Variants in COX15 observed in about 807,000 individuals in gnomAD.
The protein encoded by COX15 is heme A synthase COX15.
A neutral mutation model predicts 51.9 loss-of-function variants in COX15; 51 were observed. The observed-to-expected ratio is 0.98, with a 90% confidence interval of 0.78 to 1.24. The LOEUF (loss-of-function observed/expected upper bound fraction) is 1.24. COX15 is among the 50% of genes most tolerant of loss of function. The pLI is 0.00. For missense variants in COX15, 420 were observed against 501.1 expected (o/e 0.84, Z 1.55); for synonymous variants, 188 against 190.5 (o/e 0.99, Z 0.11).
intron 4 of COX15, among the ~76,000 whole-genome samples, chr10:99,724,704 TACACTA>T (rs1168079589): frequency 1.3e-5 from 2 of 148,996 alleles, no homozygotes; most frequent in Non-Finnish European, 3.0e-5. Context: ...ATGCATAAAA[TACACTA>T]ACACTAACAG....
chr10:99,698,632 T>C, the COX15 span: 1 of 1,614,146 alleles, frequency 6.2e-7, no homozygotes. Context: ...AACAGCCAAG[T>C]CTTACATGTC....
chr10:99,712,460 A>C lies in COX15; in HGVS notation c.*2127T>G. Reference sequence around the variant, plus strand: ...TAAAAAACAGAAGATTTGCTGACTTAAACACTGCAAAATTAAACATTTATA... The same window carrying C: ...TAAAAAACAGAAGATTTGCTGACTTCAACACTGCAAAATTAAACATTTATA... On this transcript the variant is annotated 3_prime_UTR_variant, in exon 9 of 9. Transcript: ENST00000016171. 1 of 985,428 alleles carries C rather than the reference A, an allele frequency of 1.0e-6. No individual in the cohort carries two copies. The highest frequency in any genetic ancestry group is 4.7e-5 in the South Asian group (1 of 21,288). The allele number at this position is 985,428 out of a possible 1,614,324, so 61.0% of individuals were successfully genotyped here. A position where few individuals can be genotyped will look rare whatever the true frequency, so the allele number is the denominator to read the frequency against.
At chr10:99,725,246 T>A (rs73345155) in intron 4 of COX15, among the ~76,000 whole-genome samples, 1 of 152,332 alleles carries the variant, frequency 6.6e-6, no homozygotes, top group African/African-American at 2.4e-5. Flanking sequence ...TCAGGAAATC[T>A]TTTTGGGCAT....
In COX15 at chr10:99,714,445, A is replaced by G; in HGVS notation, c.*142T>C. On this transcript the variant is annotated 3_prime_UTR_variant, in exon 9 of 9. Transcript: ENST00000016171. Reference sequence around the variant, plus strand: ...TTCTTGATCCAGTGACTATCTCAAAACAGGAAAAGATTTTTAAGTAAGTTG... The same window carrying G: ...TTCTTGATCCAGTGACTATCTCAAAGCAGGAAAAGATTTTTAAGTAAGTTG... The G allele has an allele frequency of 6.5e-7, 1 of 1,526,772 alleles. No individual in the cohort carries two copies. The highest frequency in any genetic ancestry group is 2.4e-5 in the East Asian group (1 of 41,442). The allele number at this position is 1,526,772 out of a possible 1,614,324, so 94.6% of individuals were successfully genotyped here. A position where few individuals can be genotyped will look rare whatever the true frequency, so the allele number is the denominator to read the frequency against.
chr10:99,712,415 C>A lies in COX15; in HGVS notation c.*2172G>T. ...TAATTGAGAGCTTTCACAGAAAAAT[C>A]TAGATATGTGGCTTATTTTTAAAAA... On this transcript the variant is annotated 3_prime_UTR_variant, in exon 9 of 9. Transcript: ENST00000016171. 1.0e-6 allele frequency: 1 copy of A among 985,292 alleles called. No individual in the cohort carries two copies. The highest frequency in any genetic ancestry group is 1.2e-6 in the Non-Finnish European group (1 of 829,876). 61.0% of individuals were successfully genotyped at this position (985,292 alleles called of 1,614,324 possible). A position where few individuals can be genotyped will look rare whatever the true frequency, so the allele number is the denominator to read the frequency against.
chr10:99,709,628 T>C (rs952746673), downstream of COX15: 4 of 985,304 alleles, frequency 4.1e-6, no homozygotes, highest in Non-Finnish European at 4.8e-6. Flanking sequence ...CATTCTCTCA[T>C]AACCTGGATC....
At position 99,726,338 on chromosome 10, in the gene COX15, T is replaced by A. The variant is rs190892333; in HGVS notation, c.582+630A>T. On this transcript the variant is annotated intron_variant, in intron 4 of 8. Transcript: ENST00000016171. ...CTACATCTTGCAGCACATGAAAATATACTACTGAGTGCTTTACTGATTCCA... is the reference window on the plus strand; with the variant it reads ...CTACATCTTGCAGCACATGAAAATAAACTACTGAGTGCTTTACTGATTCCA... Among the ~76,000 whole-genome samples, 795 of 152,326 alleles carry A rather than the reference T, an allele frequency of 5.2e-3. 4 individuals carry two copies. The highest frequency in any genetic ancestry group is 8.7e-3 in the Non-Finnish European group (595 of 68,022).
intron 5 of COX15, among the ~76,000 whole-genome samples, chr10:99,723,733 G>C (rs2036853552): frequency 6.6e-6 from 1 of 152,120 alleles, no homozygotes; most frequent in South Asian, 2.1e-4. Flanking sequence ...TTCTCACTTT[G>C]CCATCCACCA....
chr10:99,713,406 T>C lies in COX15; in HGVS notation c.*1181A>G, dbSNP rs1282265040. Reference sequence around the variant, plus strand: ...ATATTAGCAATATTGGGTTGCTCCATCCTCAAATCAGATGTTTCTGATGCC... The same window carrying C: ...ATATTAGCAATATTGGGTTGCTCCACCCTCAAATCAGATGTTTCTGATGCC... On this transcript the variant is annotated 3_prime_UTR_variant, in exon 9 of 9. Transcript: ENST00000016171. 3.1e-6 allele frequency: 5 copies of C among 1,614,008 alleles called. No individual in the cohort carries two copies. Among genetic ancestry groups the C allele is most frequent in the South Asian group, 1.1e-5 (1 of 91,086 alleles).
intron 1 of COX15, among the ~76,000 whole-genome samples, chr10:99,730,455 A>C (rs1291356469): frequency 1.3e-5 from 2 of 152,040 alleles, no homozygotes; most frequent in African/African-American, 4.8e-5. Flanking sequence ...ATGGTGGTGT[A>C]TGCTTGTAAT....
the COX15 span, among the ~76,000 whole-genome samples, chr10:99,701,290 A>AT: frequency 1.9e-4 from 28 of 146,938 alleles, no homozygotes; most frequent in East Asian, 6.0e-4. Context: ...AACAAAAGTG[A>AT]TTTTTTTTTT....
rs1325195377 is a variant in COX15, at chr10:99,712,436, A to T, written c.*2151T>A. On this transcript the variant is annotated 3_prime_UTR_variant, in exon 9 of 9. Transcript: ENST00000016171. ...AAATCTAGATATGTGGCTTATTTTT[A>T]AAAAACAGAAGATTTGCTGACTTAA... 2.0e-6 allele frequency: 2 copies of T among 985,228 alleles called. No homozygotes were observed. Among genetic ancestry groups the T allele is most frequent in the Admixed American group, 6.2e-5 (1 of 16,260 alleles). 61.0% of individuals were successfully genotyped at this position (985,228 alleles called of 1,614,324 possible). A position where few individuals can be genotyped will look rare whatever the true frequency, so the allele number is the denominator to read the frequency against.
In COX15 at chr10:99,711,242, C is replaced by G. The variant is rs375153079; in HGVS notation, c.*3345G>C. On this transcript the variant is annotated 3_prime_UTR_variant, in exon 9 of 9. Transcript: ENST00000016171. ...TGAAGTAAAACATCTGAAACCTTAA[C>G]TTACTCATGAGTTGCTACTTCCTTG... is the stretch of plus-strand genomic sequence containing the variant. 2.0e-6 allele frequency: 2 copies of G among 985,240 alleles called. No homozygotes were observed. The highest frequency in any genetic ancestry group is 2.4e-6 in the Non-Finnish European group (2 of 829,894). The allele number at this position is 985,240 out of a possible 1,614,324, so 61.0% of individuals were successfully genotyped here.
At chr10:99,704,371 A>G in the COX15 span, 1 of 1,341,060 alleles carries the variant, frequency 7.5e-7, no homozygotes, top group Non-Finnish European at 1.1e-6. Flanking sequence ...TGATAACACT[A>G]CTGGGCCTTT....
the COX15 span, chr10:99,704,323 G>A: frequency 1.1e-6 from 1 of 885,814 alleles, no homozygotes; most frequent in Non-Finnish European, 1.8e-6. Flanking sequence ...GCTCTGTGGA[G>A]CTGGTGTCAT....
chr10:99,711,943 CT>C lies in COX15; in HGVS notation c.*2643del. The C allele has an allele frequency of 5.6e-6, 3 of 536,026 alleles. No homozygotes were observed. The highest frequency in any genetic ancestry group is 7.2e-6 in the Non-Finnish European group (3 of 419,196). The allele number at this position is 536,026 out of a possible 1,614,324, so 33.2% of individuals were successfully genotyped here. ...TGCTTCTGGTGAGGGCCTCACGAAG[CT>C]TACAATCATGGCAGAAGGTGAAGGG... On this transcript the variant is annotated 3_prime_UTR_variant, in exon 9 of 9. Transcript: ENST00000016171.
chr10:99,704,303 A>G, the COX15 span: 2 of 771,160 alleles, frequency 2.6e-6, no homozygotes, highest in African/African-American at 3.5e-5. Context: ...GATGTTCTTC[A>G]GCTTTGCCTG....
chr10:99,695,054 AAG>A, the COX15 span, among the ~76,000 whole-genome samples: 1 of 152,322 alleles, frequency 6.6e-6, no homozygotes, highest in South Asian at 2.1e-4. Flanking sequence ...AATAAAGCAA[AAG>A]AGAGGCTTTG....
chr10:99,718,260 A>C, intron 7 of COX15, 86 bp downstream of exon 7: 1 of 1,413,582 alleles, frequency 7.1e-7, no homozygotes, highest in Non-Finnish European at 1.0e-6. Flanking sequence ...CTACCCTCTC[A>C]GTGTTGCCAT....
Sources: allele counts gnomAD v4.1 joint callset (sites outside exome capture counted in the v4.1 genomes callset), GRCh38; gene constraint gnomAD v4.1.1; transcripts MANE v1.5; gene names NCBI Gene and HGNC (gene_info 2026-07-23, HGNC 2026-07-21).